CNST: variants seen among roughly 807,000 people sequenced by gnomAD.
CNST encodes consortin.
CNST carries 39 observed loss-of-function variants against 72.4 expected under a neutral mutation model. The observed-to-expected ratio is 0.54, with a 90% CI of 0.42 to 0.70. The LOEUF (loss-of-function observed/expected upper bound fraction) is 0.70. Among genes scored for constraint, CNST ranks in the 30% least tolerant of loss-of-function variants. The pLI is 0.00. For synonymous variants in CNST, 332 were observed against 320.1 expected, an observed-to-expected ratio of 1.04 and a Z score of -0.40; for missense variants, 871 against 868.5, an observed-to-expected ratio of 1.00 and a Z score of -0.04.
intron 3 of CNST, among the ~76,000 whole-genome samples, chr1:246,628,283 A>G (rs1664570684): frequency 6.6e-6 from 1 of 152,158 alleles, no homozygotes; most frequent in Non-Finnish European, 1.5e-5. Context: ...CTTCAATCCA[A>G]TCACGTTGAC....
intron 2 of CNST, among the ~76,000 whole-genome samples, chr1:246,618,236 C>A (rs1663828534): frequency 6.6e-6 from 1 of 152,208 alleles, no homozygotes; most frequent in Admixed American, 6.5e-5. Flanking sequence ...GAGAACTTCT[C>A]TATCCAATCT....
At chr1:246,652,728 G>A (rs1170958244) in intron 9 of CNST, among the ~76,000 whole-genome samples, 1 of 152,052 alleles carries the variant, frequency 6.6e-6, no homozygotes, top group Non-Finnish European at 1.5e-5. Context: ...AATCTGGCCG[G>A]GCACAGTGGC....
chr1:246,599,600 T>C (rs145896230), intron 2 of CNST, among the ~76,000 whole-genome samples: 257 of 152,236 alleles, frequency 1.7e-3, no homozygotes, highest in Middle Eastern at 0.01. Flanking sequence ...TATTGCAGGA[T>C]AATCTCCCTT....
intron 5 of CNST, 162 bp from the exon 6 acceptor site, chr1:246,634,311 T>C (rs1014087830): frequency 7.0e-6 from 4 of 570,108 alleles, no homozygotes; most frequent in African/African-American, 5.6e-5. Context: ...TATTTACTTA[T>C]ATTGAAAAGT....
chr1:246,593,159 T>G (rs1661659227), intron 2 of CNST, among the ~76,000 whole-genome samples: 1 of 152,184 alleles, frequency 6.6e-6, no homozygotes, highest in East Asian at 1.9e-4. Flanking sequence ...ACTTTTCAGT[T>G]TCTACAAAAT....
In CNST at chr1:246,586,141, G is replaced by GTGTGTGTGTA. The variant is rs1488972688; in HGVS notation, c.-51-5370_-51-5369insGTGTGTGTAT. On this transcript the variant is annotated intron_variant, in intron 1 of 10. Transcript: ENST00000366513. ...TGTGTGTGTGTGTGTGTGTGTGTGT[G>GTGTGTGTGTA]TATATATTACTGATAGTATGCTTAT... is the stretch of plus-strand genomic sequence containing the variant. Among the ~76,000 whole-genome samples the GTGTGTGTGTA allele has an allele frequency of 4.7e-4, 68 of 145,160 alleles. 1 individual carries two copies. The highest frequency in any genetic ancestry group is 1.8e-3 in the African/African-American group (68 of 38,724).
At chr1:246,573,140 A>G (rs1452327561) in intron 1 of CNST, among the ~76,000 whole-genome samples, 1 of 152,228 alleles carries the variant, frequency 6.6e-6, no homozygotes, top group East Asian at 1.9e-4. Context: ...CTTTATTTTA[A>G]ATGATTTACA....
intron 2 of CNST, among the ~76,000 whole-genome samples, chr1:246,616,642 C>A (rs764766260): frequency 6.6e-6 from 1 of 152,120 alleles, no homozygotes. Context: ...GCAACCTTCG[C>A]CTCCCGGGTT....
chr1:246,596,284 A>C (rs1279610945), intron 2 of CNST, among the ~76,000 whole-genome samples: 1 of 151,988 alleles, frequency 6.6e-6, no homozygotes, highest in African/African-American at 2.4e-5. Context: ...GCATGGTGGC[A>C]CGTGCCTGTA....
intron 2 of CNST, among the ~76,000 whole-genome samples, chr1:246,605,628 CTCTG>C (rs1241719060): frequency 2.9e-4 from 43 of 146,586 alleles, no homozygotes; most frequent in African/African-American, 1.1e-3. Context: ...TGGATGGCCT[CTCTG>C]TCTATCCTCG....
Position 246,663,740 on chromosome 1 carries a change from CA to C in CNST, c.1973-1949del, listed in dbSNP as rs1029909968. Among the ~76,000 whole-genome samples, 377 of 140,200 alleles carry C rather than the reference CA, an allele frequency of 2.7e-3. 2 individuals are homozygous for C. The highest frequency in any genetic ancestry group is 9.0e-3 in the African/African-American group (347 of 38,520). 92.0% of individuals were successfully genotyped at this position (140,200 alleles called of 152,430 possible). On this transcript the variant is annotated intron_variant, in intron 10 of 10. Transcript: ENST00000366513. The stretch of plus-strand genomic sequence containing the variant: ...GGGCAACAAGAACAAGACTCTGTCT[CA>C]AAAAAAAAAACAACTATTTTAAAAT...
At chr1:246,617,813 T>C (rs1266796711) in intron 2 of CNST, among the ~76,000 whole-genome samples, 1 of 152,222 alleles carries the variant, frequency 6.6e-6, no homozygotes, top group Non-Finnish European at 1.5e-5. Context: ...AGTGTTACTT[T>C]CCTATTTTAT....
intron 3 of CNST, among the ~76,000 whole-genome samples, chr1:246,624,961 T>C (rs1316145772): frequency 6.6e-6 from 1 of 152,090 alleles, no homozygotes; most frequent in Non-Finnish European, 1.5e-5. Flanking sequence ...GCCTTTTTGC[T>C]CTTGCTCTCT....
At position 246,591,834 on chromosome 1, in the gene CNST, T is replaced by G. The variant is rs1227582155; in HGVS notation, c.272T>G (p.Leu91Arg). The G allele has an allele frequency of 5.0e-6, 8 of 1,613,892 alleles. No individual in the cohort carries two copies. The highest frequency in any genetic ancestry group is 5.9e-6 in the Non-Finnish European group (7 of 1,180,010). The part of the protein sequence containing the change: ...VAAGENLQNT[L>R]CEASRDEQAF... ...GCAGGTGAGAACTTGCAAAACACCC[T>G]TTGTGAAGCCTCCAGAGATGAACAG... Residue 91 changes from leucine (L) to arginine (R), a missense_variant, in exon 2 of 11, where the codon CTT becomes CGT. Leu to Arg is a moderately radical substitution (Grantham distance 102). Coordinates refer to ENST00000366513, the MANE Select transcript of CNST (RefSeq NM_152609.3).
intron 8 of CNST, among the ~76,000 whole-genome samples, chr1:246,645,584 C>G (rs1279617324): frequency 1.3e-5 from 2 of 151,756 alleles, no homozygotes; most frequent in Admixed American, 1.3e-4. Context: ...CCCGCCACCG[C>G]GCCCGGCTAA....
intron 6 of CNST, among the ~76,000 whole-genome samples, chr1:246,637,454 G>T (rs912208551): frequency 6.6e-6 from 1 of 152,244 alleles, no homozygotes; most frequent in African/African-American, 2.4e-5. Context: ...AGTAATTCCC[G>T]AGTGGCTCAG....
chr1:246,625,719 C>T (rs916116380), intron 3 of CNST, among the ~76,000 whole-genome samples: 3 of 152,084 alleles, frequency 2.0e-5, no homozygotes, highest in African/African-American at 7.2e-5. Context: ...TGCGCCCGGC[C>T]TAATTATTTC....
intron 2 of CNST, among the ~76,000 whole-genome samples, chr1:246,604,267 A>C (rs1167201069): frequency 6.6e-6 from 1 of 152,174 alleles, no homozygotes; most frequent in East Asian, 1.9e-4. Context: ...AAAAAGAAAA[A>C]AAAAAGGGGC....
chr1:246,577,832 T>C (rs548067610), intron 1 of CNST, among the ~76,000 whole-genome samples: 1 of 152,258 alleles, frequency 6.6e-6, no homozygotes, highest in African/African-American at 2.4e-5. Flanking sequence ...GGCTCACACC[T>C]ATCATTTCTT....
Sources: allele counts gnomAD v4.1 joint callset (sites outside exome capture counted in the v4.1 genomes callset), GRCh38; gene constraint gnomAD v4.1.1; transcripts MANE v1.5; gene names NCBI Gene and HGNC (gene_info 2026-07-23, HGNC 2026-07-21).